Variants in KCNN2 observed in about 807,000 individuals in gnomAD.
The protein encoded by KCNN2 is small conductance calcium-activated potassium channel protein 2.
KCNN2 carries 24 observed loss-of-function variants against 55.5 expected under a neutral mutation model. The ratio of observed to expected loss-of-function variants is 0.43; its 90% CI spans 0.31 to 0.61. KCNN2 has a LOEUF of 0.61. Ranked by LOEUF, KCNN2 falls within the 20% of genes least tolerant of loss-of-function variation. KCNN2 has a pLI of 0.08. For synonymous variants in KCNN2, 431 were observed against 336.1 expected, an observed-to-expected ratio of 1.28 and a Z score of -3.09; for missense variants, 754 against 853.6, an observed-to-expected ratio of 0.88 and a Z score of 1.45.
chr5:114,116,343 C>T (rs962073069), intron 1 of KCNN2, among the ~76,000 whole-genome samples: 17 of 152,024 alleles, frequency 1.1e-4, no homozygotes, highest in Admixed American at 2.6e-4. Context: ...TCTGATTATC[C>T]GACTAAAGTT....
chr5:114,189,133 A>AGTGTGTGTGTGTGTGTGTGTGT (rs34640722), intron 1 of KCNN2, among the ~76,000 whole-genome samples: 3 of 150,000 alleles, frequency 2.0e-5, no homozygotes, highest in Non-Finnish European at 3.0e-5. Context: ...TAGAACCAAT[A>AGTGTGTGTGTGTGTGTGTGTGT]GTGTGTGTGT....
chr5:114,495,659 G>A (rs1443906676), intron 7 of KCNN2, among the ~76,000 whole-genome samples: 2 of 152,252 alleles, frequency 1.3e-5, no homozygotes, highest in African/African-American at 2.4e-5. Context: ...CATGCCACCA[G>A]TAGCAGTACC....
At chr5:114,489,133 C>G (rs1381417253) in intron 6 of KCNN2, 1 of 152,050 alleles carries the variant, frequency 6.6e-6, no homozygotes, top group Non-Finnish European at 1.5e-5. Context: ...GGTTCTGTAG[C>G]CATGTGCAGT....
intron 2 of KCNN2, among the ~76,000 whole-genome samples, chr5:114,266,951 G>A (rs1016582670): frequency 6.7e-6 from 1 of 150,328 alleles, no homozygotes; most frequent in Non-Finnish European, 1.5e-5. Flanking sequence ...GTCCCATCTG[G>A]ATTACTGATA....
chr5:114,186,961 C>T (rs1173702761), intron 1 of KCNN2, among the ~76,000 whole-genome samples: 2 of 151,980 alleles, frequency 1.3e-5, no homozygotes, highest in Non-Finnish European at 2.9e-5. Flanking sequence ...AGATAATCTC[C>T]CTATGAACAT....
chr5:114,293,336 G>A lies in KCNN2; in HGVS notation c.-184-67609G>A, dbSNP rs565161711. Among the ~76,000 whole-genome samples, 11 of 152,194 alleles carry A rather than the reference G, an allele frequency of 7.2e-5. 1 individual carries two copies. The East Asian group carries it at 1.9e-3, about 27-fold the overall frequency. On this transcript the variant is annotated intron_variant, in intron 2 of 10. Coordinates refer to the KCNN2 transcript ENST00000512097. ...TGATATTGGCTGTGGGTTTGTCATA[G>A]ATAGCTCTTATTATTTTGAGATACG...
chr5:114,478,393 A>T (rs976222952), intron 5 of KCNN2, among the ~76,000 whole-genome samples: 2 of 152,170 alleles, frequency 1.3e-5, no homozygotes, highest in African/African-American at 4.8e-5. Context: ...AGAATATGGG[A>T]TTATGTAAAG....
At chr5:114,420,049 A>T (rs1251004435) in intron 3 of KCNN2, among the ~76,000 whole-genome samples, 1 of 152,208 alleles carries the variant, frequency 6.6e-6, no homozygotes, top group Non-Finnish European at 1.5e-5. Context: ...TAAGATATGA[A>T]AGAATTGCTC....
chr5:114,071,078 A>G (rs552110213), intron 1 of KCNN2, among the ~76,000 whole-genome samples: 1 of 152,362 alleles, frequency 6.6e-6, no homozygotes, highest in Admixed American at 6.5e-5. Flanking sequence ...TGAAATATAT[A>G]TTATCTAAAT....
chr5:114,328,855 C>G (rs578204276), intron 2 of KCNN2, among the ~76,000 whole-genome samples: 1 of 152,290 alleles, frequency 6.6e-6, no homozygotes, highest in South Asian at 2.1e-4. Flanking sequence ...ACTGCTGGCC[C>G]TAGGATAGCA....
chr5:114,187,736 G>A (rs1753367161), intron 1 of KCNN2, among the ~76,000 whole-genome samples: 1 of 151,466 alleles, frequency 6.6e-6, no homozygotes, highest in Admixed American at 6.6e-5. Context: ...TCAATCTCCT[G>A]ACCTCGAGAT....
chr5:114,472,622 C>T (rs1761799964), intron 4 of KCNN2, among the ~76,000 whole-genome samples: 1 of 152,114 alleles, frequency 6.6e-6, no homozygotes, highest in African/African-American at 2.4e-5. Context: ...ACCTTGAAGG[C>T]CTGCTGATCT....
intron 1 of KCNN2, among the ~76,000 whole-genome samples, chr5:114,167,535 G>T (rs1277265080): frequency 6.6e-6 from 1 of 152,022 alleles, no homozygotes; most frequent in East Asian, 1.9e-4. Flanking sequence ...TTTTAGAAGA[G>T]TAGTTTATCC....
intron 4 of KCNN2, among the ~76,000 whole-genome samples, chr5:114,471,105 G>C (rs1282547688): frequency 2.0e-5 from 3 of 152,098 alleles, no homozygotes; most frequent in Non-Finnish European, 4.4e-5. Flanking sequence ...TTCCTGTCTT[G>C]CTTTGAAATA....
upstream of KCNN2, among the ~76,000 whole-genome samples, chr5:114,361,584 T>G (rs112224750): frequency 2.0e-5 from 3 of 152,148 alleles, no homozygotes; most frequent in Non-Finnish European, 4.4e-5. Context: ...GGCTGCTGTT[T>G]TGCAGCCCTG....
At chr5:114,486,761 A>T (rs982133340) in intron 5 of KCNN2, 8 of 457,072 alleles carry the variant, frequency 1.8e-5, no homozygotes, top group East Asian at 2.6e-4. Context: ...CCCCTTGATT[A>T]AAAAAAAAAA....
intron 2 of KCNN2, among the ~76,000 whole-genome samples, chr5:114,233,557 C>G (rs2112606774): frequency 6.6e-6 from 1 of 152,218 alleles, no homozygotes; most frequent in Non-Finnish European, 1.5e-5. Context: ...AAGTCTGAAG[C>G]CAACTTAGTT....
At chr5:114,409,344 G>A (rs1310176485) in intron 3 of KCNN2, among the ~76,000 whole-genome samples, 1 of 151,688 alleles carries the variant, frequency 6.6e-6, no homozygotes, top group Non-Finnish European at 1.5e-5. Context: ...AAAAAAAATT[G>A]TTTTTCCGTA....
intron 1 of KCNN2, among the ~76,000 whole-genome samples, chr5:114,203,751 A>G (rs909405310): frequency 1.3e-5 from 2 of 152,242 alleles, no homozygotes; most frequent in African/African-American, 4.8e-5. Context: ...GTGGAGGAAG[A>G]GCATGGACTC....
Sources: allele counts gnomAD v4.1 joint callset (sites outside exome capture counted in the v4.1 genomes callset), GRCh38; gene constraint gnomAD v4.1.1; transcripts MANE v1.5; gene names NCBI Gene and HGNC (gene_info 2026-07-23, HGNC 2026-07-21).